Variants in PVR observed in about 807,000 individuals in gnomAD.
PVR encodes the protein poliovirus receptor.
PVR carries 39 observed loss-of-function variants against 43.3 expected under a neutral mutation model. The observed-to-expected ratio is 0.90, with a 90% CI of 0.70 to 1.18. The LOEUF (loss-of-function observed/expected upper bound fraction) is 1.18, where lower values mean the gene tolerates loss of function less well. Among genes scored for constraint, PVR ranks in the 50% most tolerant of loss-of-function variants. The probability of loss-of-function intolerance (pLI) is 0.00; values close to 1 mark genes in which losing one functional copy is unlikely to be tolerated. For synonymous variants in PVR, 224 were observed against 233.2 expected, an observed-to-expected ratio of 0.96 and a Z score of 0.36; for missense variants, 480 against 549.7, an observed-to-expected ratio of 0.87 and a Z score of 1.27.
chr19:44,657,686 C>A (rs1275666568), intron 4 of PVR, 76 bp from the exon 5 acceptor site: 2 of 1,496,504 alleles, frequency 1.3e-6, no homozygotes, highest in Non-Finnish European at 1.8e-6. Context: ...GGTTTCTGGG[C>A]ACGTAGTGCG....
intron 6 of PVR, 61 bp downstream of exon 6, chr19:44,658,961 C>A: frequency 6.6e-7 from 1 of 1,505,428 alleles, no homozygotes; most frequent in Non-Finnish European, 9.1e-7. Context: ...CTGAGTCCTT[C>A]CAGTGTGCCT....
Position 44,661,287 on chromosome 19 carries a change from C to T in PVR, c.1151-5C>T, listed in dbSNP as rs1599776485. The T allele has an allele frequency of 6.2e-7, 1 of 1,613,506 alleles. No homozygotes were observed. Among genetic ancestry groups the T allele is most frequent in the East Asian group, 2.2e-5 (1 of 44,874 alleles). Reference sequence around the variant, plus strand: ...TCCTGACGACTTCCCCTCCTATTTCCCCAGGTACAGAGCATGCCAGCGCCT... The same window carrying T: ...TCCTGACGACTTCCCCTCCTATTTCTCCAGGTACAGAGCATGCCAGCGCCT... On this transcript the variant is annotated splice_polypyrimidine_tract_variant and splice_region_variant and intron_variant, in intron 6 of 7. Coordinates refer to ENST00000425690, the MANE Select transcript of PVR (RefSeq NM_006505.5).
intron 4 of PVR, among the ~76,000 whole-genome samples, chr19:44,656,551 G>A (rs772090520): frequency 6.6e-6 from 1 of 152,186 alleles, no homozygotes; most frequent in South Asian, 2.1e-4. Context: ...TACGTTGGTC[G>A]ATAAAACAGA....
intron 6 of PVR, among the ~76,000 whole-genome samples, chr19:44,660,802 G>T (rs1431431639): frequency 6.6e-6 from 1 of 151,960 alleles, no homozygotes; most frequent in Non-Finnish European, 1.5e-5. Flanking sequence ...GGAATTATAG[G>T]TGTGAGCCAC....
chr19:44,653,221 C>T (rs1299291802), intron 3 of PVR, among the ~76,000 whole-genome samples: 1 of 152,190 alleles, frequency 6.6e-6, no homozygotes, highest in African/African-American at 2.4e-5. Flanking sequence ...ACCCTGTCTA[C>T]ACTGAACCCA....
In PVR at chr19:44,661,806, A is replaced by G. The variant is rs912019062; in HGVS notation, c.1249A>G (p.Arg417Gly). The change falls in exon 8 of 8, where the codon AGG (arginine) becomes GGG (glycine). Residue 417 changes from arginine (R) to glycine (G), a missense_variant. By Grantham distance (125) the Arg-to-Gly change is moderately radical (BLOSUM62 -2). Transcript: ENST00000425690. ...CCAGGATCCACAGACAGAGGGCACAAGGTGACAGCGTCGGGACTGAGAGGG... is the reference window on the plus strand; with the variant it reads ...CCAGGATCCACAGACAGAGGGCACAGGGTGACAGCGTCGGGACTGAGAGGG... ...SSQDPQTEGT[R>G] 2 of 1,613,932 alleles carry G rather than the reference A, an allele frequency of 1.2e-6. No individual in the cohort carries two copies. Among genetic ancestry groups the G allele is most frequent in the South Asian group, 1.1e-5 (1 of 91,082 alleles).
intron 6 of PVR, among the ~76,000 whole-genome samples, chr19:44,659,647 A>G (rs1973544249): frequency 2.0e-5 from 3 of 151,758 alleles, no homozygotes; most frequent in Admixed American, 2.0e-4. Flanking sequence ...TATGCCCAGC[A>G]ATTTTTGTAT....
Position 44,646,559 on chromosome 19 carries a change from G to A in PVR, c.80-664G>A, listed in dbSNP as rs1973119897. On this transcript the variant is annotated intron_variant, in intron 1 of 7. Coordinates refer to ENST00000425690, the MANE Select transcript of PVR (RefSeq NM_006505.5). ...GTGGGAGGATCACTTGAGGTCAGGA[G>A]TTCAAGACCAGCCTGGCCAACATGG... Among the ~76,000 whole-genome samples the A allele has an allele frequency of 2.0e-5, 3 of 152,252 alleles. No individual in the cohort carries two copies. The South Asian group carries it at 6.2e-4, about 32-fold the overall frequency.
chr19:44,648,893 A>G lies in PVR; in HGVS notation c.428-916A>G, dbSNP rs149394639. ...GTTAAGGAGAAATCTTCGGTAAATA[A>G]TATAGGTAATGATGGGGAAGGAAGT... On this transcript the variant is annotated intron_variant, in intron 2 of 7. Coordinates refer to ENST00000425690, the MANE Select transcript of PVR (RefSeq NM_006505.5). Among the ~76,000 whole-genome samples, 6 of 152,332 alleles carry G rather than the reference A, an allele frequency of 3.9e-5. 1 individual carries two copies. The highest frequency in any genetic ancestry group is 1.4e-4 in the African/African-American group (6 of 41,568).
At chr19:44,656,852 A>G (rs145115918) in intron 4 of PVR, among the ~76,000 whole-genome samples, 9 of 152,320 alleles carry the variant, frequency 5.9e-5, no homozygotes, top group African/African-American at 2.2e-4. Flanking sequence ...ATGCACCTGT[A>G]GTCCCAGCTA....
At chr19:44,649,651 C>G (rs113526265) in intron 2 of PVR, among the ~76,000 whole-genome samples, 158 bp from the exon 3 acceptor site, 8,547 of 152,050 alleles carry the variant, frequency 0.056, 490 homozygotes, top group African/African-American at 0.15. Flanking sequence ...GAACTCCTGA[C>G]CCCAAGTGAT....
At chr19:44,650,215 G>T in intron 3 of PVR, 110 bp downstream of exon 3, 2 of 1,105,762 alleles carry the variant, frequency 1.8e-6, no homozygotes, top group Non-Finnish European at 2.5e-6. Context: ...ATCTGCACCG[G>T]CTCCCCTGAC....
chr19:44,661,091 A>C lies in PVR; in HGVS notation c.1151-201A>C, dbSNP rs115951903. On this transcript the variant is annotated intron_variant, in intron 6 of 7. Transcript: ENST00000425690. ...TTTATGGATATTTCATAACCAAGTG[A>C]ATAACTGGATGGCTAAATCCTTAGA... Among the ~76,000 whole-genome samples the C allele has an allele frequency of 9.8e-3, 1,488 of 152,276 alleles. 16 individuals are homozygous for C. The highest frequency in any genetic ancestry group is 0.035 in the African/African-American group (1,436 of 41,550).
chr19:44,646,467 C>A lies in PVR; in HGVS notation c.80-756C>A, dbSNP rs143920016. On this transcript the variant is annotated intron_variant, in intron 1 of 7. Transcript: ENST00000425690. ...GTATGTGAAACCTACGACACTGGTG[C>A]GATGAAAAAGTTCTGGGCCAGGTGC... Among the ~76,000 whole-genome samples, 534 of 152,198 alleles carry A rather than the reference C, an allele frequency of 3.5e-3. 5 individuals carry two copies. The highest frequency in any genetic ancestry group is 0.013 in the African/African-American group (524 of 41,532).
chr19:44,662,088 G>T lies in PVR; in HGVS notation c.*277G>T. On this transcript the variant is annotated 3_prime_UTR_variant, in exon 8 of 8. Coordinates refer to ENST00000425690, the MANE Select transcript of PVR (RefSeq NM_006505.5). ...ACAGAGATTAAGATCAGCAAAGGGA[G>T]GAGGTGCACAGCACACGTTCCACGA... 2.1e-6 allele frequency: 1 copy of T among 474,906 alleles called. No homozygotes were observed. The allele number at this position is 474,906 out of a possible 1,614,324, so 29.4% of individuals were successfully genotyped here.
intron 5 of PVR, 74 bp downstream of exon 5, chr19:44,657,984 T>TCTGGCTCCCATC: frequency 6.7e-7 from 1 of 1,486,216 alleles, no homozygotes; most frequent in Non-Finnish European, 9.2e-7. Context: ...TCTAATGCTC[T>TCTGGCTCCCATC]CTGGCTCCCA....
At position 44,653,765 on chromosome 19, in the gene PVR, C is replaced by G. The variant is rs377310800; in HGVS notation, c.725-135C>G. 8.2e-5 allele frequency: 55 copies of G among 672,504 alleles called. No homozygotes were observed. In the Middle Eastern group the frequency reaches 2.0e-3, roughly 25 times the overall value. 41.7% of individuals were successfully genotyped at this position (672,504 alleles called of 1,614,324 possible). A position where few individuals can be genotyped will look rare whatever the true frequency, so the allele number is the denominator to read the frequency against. On this transcript the variant is annotated intron_variant, in intron 3 of 7. Coordinates refer to ENST00000425690, the MANE Select transcript of PVR (RefSeq NM_006505.5). Reference sequence around the variant, plus strand: ...CTCTGTGGCACCCCATCTACCTAGACTCCTCCTAGGCCTCTCCAGCTCCCG... The same window carrying G: ...CTCTGTGGCACCCCATCTACCTAGAGTCCTCCTAGGCCTCTCCAGCTCCCG...
In PVR at chr19:44,649,932, G is replaced by T; in HGVS notation, c.551G>T (p.Gly184Val). ...PAQITWHSDL[G>V]GMPNTSQVPG... is the part of the protein sequence containing the mutation. ...CAAATCACCTGGCACTCAGACCTGG[G>T]CGGGATGCCCAATACGAGCCAGGTG... Residue 184 changes from glycine to valine, a missense_variant, in exon 3 of 8, where the codon GGC becomes GTC. Transcript: ENST00000425690. The T allele has an allele frequency of 1.9e-6, 3 of 1,612,642 alleles. No homozygotes were observed. The highest frequency in any genetic ancestry group is 3.3e-5 in the Admixed American group (2 of 59,848).
At position 44,650,489 on chromosome 19, in the gene PVR, G is replaced by A. The variant is rs530795313; in HGVS notation, c.724+384G>A. Among the ~76,000 whole-genome samples, 4 of 150,940 alleles carry A rather than the reference G, an allele frequency of 2.7e-5. No homozygotes were observed. The East Asian group carries it at 5.8e-4, about 22-fold the overall frequency. On this transcript the variant is annotated intron_variant, in intron 3 of 7. Coordinates refer to ENST00000425690, the MANE Select transcript of PVR (RefSeq NM_006505.5). ...ATGACCCTCCCCACATTGCTACACT[G>A]GTTCTTCTGGCCACGATCAACACTG...
Sources: allele counts gnomAD v4.1 joint callset (sites outside exome capture counted in the v4.1 genomes callset), GRCh38; gene constraint gnomAD v4.1.1; transcripts MANE v1.5; gene names NCBI Gene and HGNC (gene_info 2026-07-23, HGNC 2026-07-21).